The following EDNRB variants were observed in gnomAD, a reference collection of about 807,000 sequenced individuals.
EDNRB encodes endothelin receptor type B.
A neutral mutation model predicts 46.4 loss-of-function variants in EDNRB; 18 were observed. The observed-to-expected ratio is 0.39, with a 90% CI of 0.27 to 0.57. EDNRB has a LOEUF of 0.57. EDNRB is among the 20% of genes least tolerant of loss of function. The pLI is 0.61. For missense variants in EDNRB, 434 were observed against 537.5 expected (o/e 0.81, Z 1.90); for synonymous variants, 213 against 204.9 (o/e 1.04, Z -0.34).
chr13:77,940,787 A>G (rs1197926095), intron 1 of EDNRB, among the ~76,000 whole-genome samples: 1 of 151,734 alleles, frequency 6.6e-6, no homozygotes, highest in Non-Finnish European at 1.5e-5. Flanking sequence ...GCCACAGTCT[A>G]TGAGCAAGAT....
intron 1 of EDNRB, chr13:77,947,348 C>G (rs1259256482): frequency 1.3e-5 from 2 of 150,064 alleles, no homozygotes; most frequent in African/African-American, 4.9e-5. Flanking sequence ...GTTGGGCAGG[C>G]TGGTCTTGAA....
intron 5 of EDNRB, 137 bp downstream of exon 5, chr13:77,900,382 CAG>C (rs1878897031): frequency 8.5e-7 from 1 of 1,177,370 alleles, no homozygotes; most frequent in East Asian, 2.5e-5. Flanking sequence ...AACAGGACCT[CAG>C]ATAAAAATTG....
At chr13:77,934,045 G>A (rs1880478929) in intron 1 of EDNRB, among the ~76,000 whole-genome samples, 1 of 152,212 alleles carries the variant, frequency 6.6e-6, no homozygotes, top group Non-Finnish European at 1.5e-5. Flanking sequence ...TACTTTAAGA[G>A]TTAAGAGTGG....
At chr13:77,903,050 G>T in intron 3 of EDNRB, 106 bp downstream of exon 3, 1 of 1,201,920 alleles carries the variant, frequency 8.3e-7, no homozygotes, top group Admixed American at 1.9e-5. Flanking sequence ...TTTATGCCAA[G>T]GACAGTCATA....
intron 1 of EDNRB, among the ~76,000 whole-genome samples, chr13:77,945,885 A>AAC (rs1880891367): frequency 2.0e-5 from 3 of 151,450 alleles, no homozygotes; most frequent in African/African-American, 7.3e-5. Context: ...CCAAAAAAAA[A>AAC]AAAAAAAACA....
chr13:77,953,759 T>G (rs923176485), intron 1 of EDNRB, among the ~76,000 whole-genome samples: 1 of 152,098 alleles, frequency 6.6e-6, no homozygotes, highest in Admixed American at 6.5e-5. Context: ...TAGGAGTTGA[T>G]TGCAGGAACC....
chr13:77,966,104 G>T (rs1352709160), intron 1 of EDNRB, among the ~76,000 whole-genome samples: 1 of 152,026 alleles, frequency 6.6e-6, no homozygotes, highest in East Asian at 1.9e-4. Flanking sequence ...CCCCAGGTTG[G>T]TCTTGAATTC....
upstream of EDNRB, chr13:77,919,248 C>T (rs1244952629): frequency 3.6e-6 from 3 of 839,846 alleles, no homozygotes; most frequent in Non-Finnish European, 5.4e-6. Context: ...AACACTCGCG[C>T]TCCTTCCTTT....
intron 1 of EDNRB, among the ~76,000 whole-genome samples, chr13:77,910,569 A>G (rs1879518681): frequency 6.6e-6 from 1 of 152,068 alleles, no homozygotes; most frequent in South Asian, 2.1e-4. Context: ...CTTGACATAC[A>G]GTGCACCGTG....
intron 1 of EDNRB, among the ~76,000 whole-genome samples, chr13:77,944,297 A>C (rs959041261): frequency 2.6e-5 from 4 of 152,064 alleles, no homozygotes; most frequent in African/African-American, 9.7e-5. Context: ...AATCTAACAT[A>C]AGGGCCTGGT....
At chr13:77,912,791 C>T (rs1377447816) in intron 1 of EDNRB, among the ~76,000 whole-genome samples, 1 of 152,098 alleles carries the variant, frequency 6.6e-6, no homozygotes, top group Non-Finnish European at 1.5e-5. Context: ...ACAGGTTCCA[C>T]TTTTGGTTCA....
upstream of EDNRB, chr13:77,919,319 A>C: frequency 6.8e-7 from 1 of 1,462,442 alleles, no homozygotes; most frequent in Non-Finnish European, 9.3e-7. Flanking sequence ...TTAAAATCCC[A>C]AACTAGTAAG....
Position 77,952,669 on chromosome 13 carries a change from G to C in EDNRB, c.-52+22678C>G, listed in dbSNP as rs535542667. Among the ~76,000 whole-genome samples, 61 of 152,194 alleles carry C rather than the reference G, an allele frequency of 4.0e-4. 1 individual carries two copies. Among genetic ancestry groups the C allele is most frequent in the Non-Finnish European group, 6.9e-4 (47 of 67,996 alleles). On this transcript the variant is annotated intron_variant, in intron 1 of 7. Transcript: ENST00000646948. Reference sequence around the variant, plus strand: ...TGTGGCTGAAGAAAAAATTTAATGGGAACAGAGACCCTCTATTAGATAATG... The same window carrying C: ...TGTGGCTGAAGAAAAAATTTAATGGCAACAGAGACCCTCTATTAGATAATG...
chr13:77,918,507 G>T lies in EDNRB; in HGVS notation c.67C>A (p.Arg23=), dbSNP rs769618877. Residue 23 remains arginine, a synonymous_variant, in exon 1 of 7, where the codon CGG becomes AGG. Coordinates refer to ENST00000646607, the MANE Select transcript of EDNRB (RefSeq NM_001122659.3). The surrounding 1 kb of genome is among the most constrained non-coding windows in gnomAD (Gnocchi z 4.5). ...AAGCCTCTCTCCTCTCCCCAGATCCGCGACAGGCCGCAGGCAAGAACCAGC... is the reference window on the plus strand; with the variant it reads ...AAGCCTCTCTCCTCTCCCCAGATCCTCGACAGGCCGCAGGCAAGAACCAGC... ...VALVLACGLS[R]IWGEERGFPP... The T allele has an allele frequency of 6.3e-7, 1 of 1,576,664 alleles. No individual in the cohort carries two copies. Among genetic ancestry groups the T allele is most frequent in the African/African-American group, 1.4e-5 (1 of 73,408 alleles).
At chr13:77,929,564 CTT>C (rs1944485385) in intron 1 of EDNRB, among the ~76,000 whole-genome samples, 1 of 152,254 alleles carries the variant, frequency 6.6e-6, no homozygotes, top group South Asian at 2.1e-4. Context: ...TATCAGCTAT[CTT>C]AGTTCTTCTG....
intron 1 of EDNRB, among the ~76,000 whole-genome samples, chr13:77,905,736 T>C (rs771696546): frequency 6.6e-6 from 1 of 151,946 alleles, no homozygotes; most frequent in Non-Finnish European, 1.5e-5. Flanking sequence ...CAGTAAGCCA[T>C]GCGAAGAGCA....
chr13:77,960,617 A>G (rs1881378876), intron 1 of EDNRB, among the ~76,000 whole-genome samples: 1 of 152,230 alleles, frequency 6.6e-6, no homozygotes, highest in African/African-American at 2.4e-5. Flanking sequence ...TGCTAGGAAG[A>G]AACTGCATCA....
rs145728322 is a variant in EDNRB at position 77,918,478 on chromosome 13, C to T, written c.96G>A (p.Pro32=). Residue 32 remains proline (P), a synonymous_variant, in exon 1 of 7, where the codon CCG becomes CCA. Coordinates refer to ENST00000646607, the MANE Select transcript of EDNRB (RefSeq NM_001122659.3). This position sits in a 1 kb window ranked among gnomAD's most constrained non-coding sequence, Gnocchi z 4.5. ...GCAAAAGCGGAGTGGCCCTGTCAGG[C>T]GGGAAGCCTCTCTCCTCTCCCCAGA... ...SRIWGEERGF[P]PDRATPLLQT... is the part of the protein sequence containing the mutation. 1.3e-6 allele frequency: 2 copies of T among 1,562,114 alleles called. No individual in the cohort carries two copies. Among genetic ancestry groups the T allele is most frequent in the Non-Finnish European group, 1.7e-6 (2 of 1,158,316 alleles).
chr13:77,918,052 T>C lies in EDNRB; in HGVS notation c.483+39A>G. The stretch of plus-strand genomic sequence containing the variant: ...TCTCCCCGTCTCCAACCAGGCCCCC[T>C]TCCTCAAGCCCACCATGATTTCAGC... On this transcript the variant is annotated intron_variant, in intron 1 of 6. Transcript: ENST00000646607. The surrounding 1 kb of genome is among the most constrained non-coding windows in gnomAD (Gnocchi z 4.5). 11 of 1,613,322 alleles carry C rather than the reference T, an allele frequency of 6.8e-6. No individual in the cohort carries two copies. The highest frequency in any genetic ancestry group is 9.3e-6 in the Non-Finnish European group (11 of 1,180,006).
Sources: gnomAD v4.1 joint callset for allele counts (sites outside exome capture counted in the v4.1 genomes callset) on GRCh38, gnomAD v4.1.1 for gene constraint, Gnocchi (gnomAD v3.1) non-coding constraint, MANE v1.5 for transcripts, NCBI Gene and HGNC (gene_info 2026-07-23, HGNC 2026-07-21) for gene names.